The following LMLN variants were observed in gnomAD, a reference collection of about 807,000 sequenced individuals.
LMLN encodes leishmanolysin-like peptidase.
LMLN carries 70 observed loss-of-function variants against 92.3 expected under a neutral mutation model. The ratio of observed to expected loss-of-function variants is 0.76; its 90% CI spans 0.63 to 0.92. LMLN has a LOEUF of 0.92. Among genes scored for constraint, LMLN ranks in the 40% least tolerant of loss-of-function variants. The probability of loss-of-function intolerance (pLI) is 0.00; values close to 1 mark genes in which losing one functional copy is unlikely to be tolerated. For synonymous variants in LMLN, 308 were observed against 296.2 expected (o/e 1.04, Z -0.41); for missense variants, 691 against 814.6 (o/e 0.85, Z 1.85).
intron 6 of LMLN, among the ~76,000 whole-genome samples, chr3:197,981,003 T>A (rs1721541753): frequency 6.6e-6 from 1 of 152,120 alleles, no homozygotes. Context: ...CTCAGGGGGC[T>A]GAGGTGGGAG....
chr3:198,021,029 T>C (rs1433084325), intron 12 of LMLN, among the ~76,000 whole-genome samples: 1 of 152,124 alleles, frequency 6.6e-6, no homozygotes, highest in Non-Finnish European at 1.5e-5. Context: ...TCTCAGATTT[T>C]AATTTTTTCA....
intron 13 of LMLN, 68 bp from the exon 15 acceptor site, chr3:198,024,590 A>G: frequency 7.7e-7 from 1 of 1,306,586 alleles, no homozygotes; most frequent in South Asian, 1.7e-5. Flanking sequence ...ATAAAAATGG[A>G]ATGGTTCAGT....
At chr3:197,962,545 C>T (rs546144565) in intron 1 of LMLN, among the ~76,000 whole-genome samples, 1 of 152,284 alleles carries the variant, frequency 6.6e-6, no homozygotes, top group Admixed American at 6.5e-5. Context: ...ATAAAAAATA[C>T]TAACCCTTTC....
At chr3:197,985,937 T>TAA in intron 8 of LMLN, 47 bp downstream of exon 8, 2 of 1,143,700 alleles carry the variant, frequency 1.7e-6, no homozygotes, top group Non-Finnish European at 2.6e-6. Context: ...AGGAGGGTGC[T>TAA]AAGACTAGAA....
chr3:198,037,582 G>A (rs995562306), intron 15 of LMLN, among the ~76,000 whole-genome samples: 6 of 152,164 alleles, frequency 3.9e-5, no homozygotes, highest in East Asian at 1.9e-4. Context: ...CCCGGGAGGC[G>A]GAGCCAAGAT....
chr3:197,990,427 T>A, intron 8 of LMLN, 132 bp from the exon 9 acceptor site: 1 of 500,574 alleles, frequency 2.0e-6, no homozygotes, highest in Non-Finnish European at 3.6e-6. Context: ...TTGGACTTGA[T>A]ACATAGGAGG....
chr3:198,030,915 C>T lies in LMLN; in HGVS notation c.1657-4918C>T, dbSNP rs532224014. 3.6e-5 allele frequency among the ~76,000 whole-genome samples: 5 copies of T among 139,790 alleles called. No homozygotes were observed. In the South Asian group the frequency reaches 9.4e-4, roughly 26 times the overall value. 91.7% of individuals were successfully genotyped at this position (139,790 alleles called of 152,430 possible). A position where few individuals can be genotyped will look rare whatever the true frequency, so the allele number is the denominator to read the frequency against. On this transcript the variant is annotated intron_variant, in intron 14 of 15. Transcript: ENST00000330198. ...CTCAGGGTCTTCAGCTAGTTTCCAC[C>T]GTGATGTGACGCCTGCTGACAGCGT...
At chr3:198,021,467 A>G (rs377668353) in exon 13 of LMLN, 1 of 1,614,020 alleles carries the variant, frequency 6.2e-7, no homozygotes, top group Non-Finnish European at 8.5e-7. Flanking sequence ...ACTCAGTGGA[A>G]TACCTGCAGA....
intron 11 of LMLN, among the ~76,000 whole-genome samples, chr3:198,014,436 C>T (rs868602048): frequency 7.5e-3 from 841 of 111,594 alleles, no homozygotes; most frequent in African/African-American, 0.013. Context: ...CCCTTCAGAG[C>T]CCCCTAACTA....
At chr3:197,987,452 C>T (rs1375251928) in intron 8 of LMLN, among the ~76,000 whole-genome samples, 1 of 152,178 alleles carries the variant, frequency 6.6e-6, no homozygotes, top group Non-Finnish European at 1.5e-5. Context: ...AGCCACCGCG[C>T]CCGGCCAAAA....
rs538429205 is a variant in LMLN at position 197,982,360 on chromosome 3, C to T, written c.729-1583C>T. Among the ~76,000 whole-genome samples, 79 of 150,138 alleles carry T rather than the reference C, an allele frequency of 5.3e-4. 1 individual carries two copies. The highest frequency in any genetic ancestry group is 2.0e-4 in the Admixed American group (3 of 15,024). ...CCTGCCTTAGCCTCCTGAGTAGCGGCGACTACAGGTGCGCACCACCACGCC... is the reference window on the plus strand; with the variant it reads ...CCTGCCTTAGCCTCCTGAGTAGCGGTGACTACAGGTGCGCACCACCACGCC... On this transcript the variant is annotated intron_variant, in intron 6 of 15. Transcript: ENST00000330198.
chr3:198,016,840 A>T (rs1722654316), intron 11 of LMLN, among the ~76,000 whole-genome samples: 1 of 152,152 alleles, frequency 6.6e-6, no homozygotes, highest in Admixed American at 6.5e-5. Context: ...TTTGAAGTCC[A>T]AATAGTAAAT....
At chr3:197,974,234 G>C (rs565219837) in intron 1 of LMLN, 143 bp from the exon 2 acceptor site, 1 of 587,976 alleles carries the variant, frequency 1.7e-6, no homozygotes, top group South Asian at 2.2e-5. Flanking sequence ...TGAGGTTCAA[G>C]AATGCTGACA....
At chr3:197,992,310 C>T (rs923281189) in intron 9 of LMLN, among the ~76,000 whole-genome samples, 3 of 152,020 alleles carry the variant, frequency 2.0e-5, no homozygotes, top group African/African-American at 4.8e-5. Context: ...TCAGGTGATC[C>T]GTGCGCCTTG....
At chr3:197,992,744 A>G (rs1037726909) in intron 9 of LMLN, among the ~76,000 whole-genome samples, 1 of 152,174 alleles carries the variant, frequency 6.6e-6, no homozygotes, top group African/African-American at 2.4e-5. Context: ...AAACTTTTCC[A>G]AAAAATTGAA....
chr3:198,035,255 G>C (rs1260754882), intron 14 of LMLN, among the ~76,000 whole-genome samples: 2 of 149,486 alleles, frequency 1.3e-5, no homozygotes, highest in Non-Finnish European at 3.0e-5. Flanking sequence ...TTTGGGAAAA[G>C]TGTCCATAGC....
In LMLN at chr3:198,031,975, G is replaced by A. The variant is rs1351115178; in HGVS notation, c.1657-3858G>A. 6.6e-6 allele frequency among the ~76,000 whole-genome samples: 1 copy of A among 151,788 alleles called. No homozygotes were observed. The highest frequency in any genetic ancestry group is 2.1e-4 in the South Asian group (1 of 4,780). On this transcript the variant is annotated intron_variant, in intron 14 of 15. Transcript: ENST00000330198. The surrounding 1 kb of genome is among the most constrained non-coding windows in gnomAD (Gnocchi z 4.8). ...AAATTAGCCCGGTGTGGTGGTGGGC[G>A]CCTGTAATTCCAGCTACACAGGAGG...
At chr3:197,992,358 G>A (rs942116017) in intron 9 of LMLN, among the ~76,000 whole-genome samples, 3 of 152,140 alleles carry the variant, frequency 2.0e-5, no homozygotes, top group Non-Finnish European at 2.9e-5. Context: ...GTGAGCCACT[G>A]TGTCTGGCCA....
chr3:197,964,394 T>G lies in LMLN; in HGVS notation c.219+3954T>G, dbSNP rs1290829860. 2.0e-5 allele frequency among the ~76,000 whole-genome samples: 3 copies of G among 151,224 alleles called. No homozygotes were observed. In the East Asian group the frequency reaches 5.8e-4, roughly 29 times the overall value. On this transcript the variant is annotated intron_variant, in intron 1 of 15. Transcript: ENST00000330198. ...ATTTAGGTTAAAATTTTTTTTTTGT[T>G]TTTTGTTTTTTGTTTTTTTTTTTTG...
Sources: allele counts gnomAD v4.1 joint callset (sites outside exome capture counted in the v4.1 genomes callset), GRCh38; gene constraint gnomAD v4.1.1; non-coding constraint Gnocchi (gnomAD v3.1); transcripts MANE v1.5; gene names NCBI Gene and HGNC (gene_info 2026-07-23, HGNC 2026-07-21).